The following IL6ST variants were observed in gnomAD, a reference collection of about 807,000 sequenced individuals.
The protein encoded by IL6ST is interleukin 6 cytokine family signal transducer.
A neutral mutation model predicts 91.3 loss-of-function variants in IL6ST; 24 were observed. That is an observed-to-expected ratio of 0.26 (90% CI 0.19 to 0.37). The LOEUF (loss-of-function observed/expected upper bound fraction) is 0.37. Ranked by LOEUF, IL6ST falls within the 10% of genes least tolerant of loss-of-function variation. The pLI is 1.00. For missense variants in IL6ST, 914 were observed against 1,078.5 expected, an observed-to-expected ratio of 0.85 and a Z score of 2.14; for synonymous variants, 351 against 373.6, an observed-to-expected ratio of 0.94 and a Z score of 0.70.
chr5:55,992,135 AC>A (rs1754368959), intron 1 of IL6ST, among the ~76,000 whole-genome samples: 1 of 152,164 alleles, frequency 6.6e-6, no homozygotes, highest in African/African-American at 2.4e-5. Flanking sequence ...CCCACTTCAA[AC>A]ATCTTTGCTG....
In IL6ST at chr5:55,940,402, G is replaced by A. The variant is rs1487964029; in HGVS notation, c.*680C>T. On this transcript the variant is annotated 3_prime_UTR_variant, in exon 17 of 17. Transcript: ENST00000381298. Reference sequence around the variant, plus strand: ...TATGCAAATTTTTGAAAACTAGTGAGATTACTAATTATTGATGAATAAAAA... The same window carrying A: ...TATGCAAATTTTTGAAAACTAGTGAAATTACTAATTATTGATGAATAAAAA... The A allele has an allele frequency of 4.8e-6, 1 of 209,518 alleles. No individual in the cohort carries two copies. Among genetic ancestry groups the A allele is most frequent in the African/African-American group, 2.3e-5 (1 of 44,106 alleles). 13.0% of individuals were successfully genotyped at this position (209,518 alleles called of 1,614,324 possible).
At chr5:55,992,952 C>A (rs911985189) in intron 1 of IL6ST, among the ~76,000 whole-genome samples, 3 of 152,226 alleles carry the variant, frequency 2.0e-5, no homozygotes, top group African/African-American at 7.2e-5. Context: ...ACATCTCCTG[C>A]ACCTTTGTGA....
intron 8 of IL6ST, among the ~76,000 whole-genome samples, chr5:55,959,008 C>A (rs1364969016): frequency 6.6e-6 from 1 of 151,768 alleles, no homozygotes; most frequent in African/African-American, 2.4e-5. Context: ...AGCACTCAAA[C>A]AGAATAAAGA....
intron 5 of IL6ST, among the ~76,000 whole-genome samples, 164 bp downstream of exon 5, chr5:55,968,112 C>A (rs1752745987): frequency 6.6e-6 from 1 of 152,078 alleles, no homozygotes; most frequent in Non-Finnish European, 1.5e-5. Flanking sequence ...CAGGCATGAG[C>A]CACCGCGCCT....
intron 4 of IL6ST, 53 bp from the exon 5 acceptor site, chr5:55,968,449 T>A: frequency 6.4e-7 from 1 of 1,553,414 alleles, no homozygotes; most frequent in Non-Finnish European, 8.8e-7. Flanking sequence ...ACAAATATTA[T>A]GCAATTTATA....
At chr5:55,963,640 A>C in intron 6 of IL6ST, 134 bp from the exon 7 acceptor site, 1 of 680,210 alleles carries the variant, frequency 1.5e-6, no homozygotes, top group Non-Finnish European at 2.4e-6. Context: ...TTCTCTGAAA[A>C]TTATGCTATG....
chr5:55,958,820 T>C (rs1019239726), intron 8 of IL6ST, among the ~76,000 whole-genome samples: 4 of 135,478 alleles, frequency 3.0e-5, no homozygotes, highest in Non-Finnish European at 4.6e-5. Flanking sequence ...GCCTGGGCAA[T>C]AGAGTGAGGC....
chr5:55,988,537 T>C (rs1385275680), intron 1 of IL6ST, among the ~76,000 whole-genome samples: 1 of 152,006 alleles, frequency 6.6e-6, no homozygotes, highest in Non-Finnish European at 1.5e-5. Context: ...GAGGCCGAGA[T>C]AGGCAGATCA....
chr5:55,945,190 C>T (rs1751169718), intron 15 of IL6ST, among the ~76,000 whole-genome samples: 1 of 151,736 alleles, frequency 6.6e-6, no homozygotes, highest in African/African-American at 2.4e-5. Context: ...AGAACCTAGC[C>T]AAAATAACTT....
intron 15 of IL6ST, among the ~76,000 whole-genome samples, chr5:55,946,718 G>A (rs1403215725): frequency 1.4e-4 from 22 of 151,828 alleles, no homozygotes; most frequent in Non-Finnish European, 1.5e-5. Flanking sequence ...TCAAGAGGCT[G>A]AGGCAGGAGA....
intron 7 of IL6ST, 74 bp from the exon 8 acceptor site, chr5:55,960,635 C>CTT (rs879908312): frequency 2.3e-5 from 31 of 1,330,054 alleles, no homozygotes; most frequent in South Asian, 3.1e-5. Context: ...AATTCAGAAA[C>CTT]TTTTTTTTTT....
chr5:55,953,005 G>A (rs1580803058), intron 11 of IL6ST, among the ~76,000 whole-genome samples: 1 of 151,864 alleles, frequency 6.6e-6, no homozygotes, highest in African/African-American at 2.4e-5. Flanking sequence ...AGCTTGCAGT[G>A]AGCCGAGATC....
At position 55,938,436 on chromosome 5, in the gene IL6ST, G is replaced by C. The variant is rs1750672538; in HGVS notation, c.*2646C>G. ...TCAGAGATGAGGGTAGGATACCACA[G>C]ACATCAGTAACTGACAAGTTATAAT... On this transcript the variant is annotated 3_prime_UTR_variant, in exon 17 of 17. Coordinates refer to ENST00000381298, the MANE Select transcript of IL6ST (RefSeq NM_002184.4). The C allele has an allele frequency of 1.0e-5, 2 of 192,862 alleles. No individual in the cohort carries two copies. The highest frequency in any genetic ancestry group is 1.2e-4 in the Admixed American group (2 of 16,322). 11.9% of individuals were successfully genotyped at this position (192,862 alleles called of 1,614,324 possible). A position where few individuals can be genotyped will look rare whatever the true frequency, so the allele number is the denominator to read the frequency against.
chr5:55,950,954 C>CAA (rs35481328), intron 14 of IL6ST, among the ~76,000 whole-genome samples: 48 of 144,030 alleles, frequency 3.3e-4, no homozygotes, highest in South Asian at 8.7e-4. Flanking sequence ...ACCCTGCCTC[C>CAA]AAAAAAAAAA....
At chr5:55,952,953 TGG>T (rs1001879834) in intron 11 of IL6ST, among the ~76,000 whole-genome samples, 9 of 151,962 alleles carry the variant, frequency 5.9e-5, no homozygotes, top group African/African-American at 1.7e-4. Context: ...CCCAGATGCT[TGG>T]GAGGCTGTGG....
intron 1 of IL6ST, among the ~76,000 whole-genome samples, chr5:55,987,346 A>G (rs115811752): frequency 4.5e-4 from 69 of 152,382 alleles, no homozygotes; most frequent in African/African-American, 1.5e-3. Flanking sequence ...ACAAGTATTT[A>G]GCCTAAAATA....
At chr5:55,960,325 G>T in intron 8 of IL6ST, 77 bp downstream of exon 8, 1 of 1,091,718 alleles carries the variant, frequency 9.2e-7, no homozygotes, top group Non-Finnish European at 1.3e-6. Context: ...AAGCAATGAG[G>T]CTATATTATT....
chr5:55,974,956 TACAC>T (rs3039924), intron 3 of IL6ST, among the ~76,000 whole-genome samples: 1,969 of 114,572 alleles, frequency 0.017, 18 homozygotes, highest in African/African-American at 0.036. Flanking sequence ...CACACACACA[TACAC>T]ACACACACAC....
At position 55,937,279 on chromosome 5, in the gene IL6ST, G is replaced by A. The variant is rs939815595; in HGVS notation, c.*3803C>T. ...AACCAGTTTGTACAAACTATTGACT[G>A]AGAAAAAGCCCTTAAAAATTTAGGA... On this transcript the variant is annotated 3_prime_UTR_variant, in exon 17 of 17. Coordinates refer to ENST00000381298, the MANE Select transcript of IL6ST (RefSeq NM_002184.4). 2 of 213,816 alleles carry A rather than the reference G, an allele frequency of 9.4e-6. No homozygotes were observed. The highest frequency in any genetic ancestry group is 1.9e-5 in the Non-Finnish European group (2 of 105,784). 13.2% of individuals were successfully genotyped at this position (213,816 alleles called of 1,614,324 possible).
Sources: gnomAD v4.1 joint callset for allele counts (sites outside exome capture counted in the v4.1 genomes callset) on GRCh38, gnomAD v4.1.1 for gene constraint, MANE v1.5 for transcripts, NCBI Gene and HGNC (gene_info 2026-07-23, HGNC 2026-07-21) for gene names.